RABGEF1: variants seen among roughly 807,000 people sequenced by gnomAD.
RABGEF1 encodes RAB guanine nucleotide exchange factor 1, also known as rab5 GDP/GTP exchange factor.
A neutral mutation model predicts 57.3 loss-of-function variants in RABGEF1; 26 were observed. That is an observed-to-expected ratio of 0.45 (90% CI 0.33 to 0.63). The LOEUF (loss-of-function observed/expected upper bound fraction) is 0.63, where lower values mean the gene tolerates loss of function less well. Ranked by LOEUF, RABGEF1 falls within the 20% of genes least tolerant of loss-of-function variation. RABGEF1 has a pLI of 0.02. For synonymous variants in RABGEF1, 185 were observed against 210.7 expected (o/e 0.88, Z 1.06); for missense variants, 464 against 607.6 (o/e 0.76, Z 2.48).
chr7:66,688,085 CAAAA>C (rs60925853), intron 1 of RABGEF1, among the ~76,000 whole-genome samples: 4,551 of 109,102 alleles, frequency 0.042, 121 homozygotes, highest in East Asian at 0.091. Flanking sequence ...AACTCTGTGT[CAAAA>C]AAAAAAAAAA....
chr7:66,663,301 G>A, the RABGEF1 span, among the ~76,000 whole-genome samples: 1 of 152,210 alleles, frequency 6.6e-6, no homozygotes, highest in South Asian at 2.1e-4. Flanking sequence ...AAGGCTGTGA[G>A]ATCCCTGATT....
Position 66,772,004 on chromosome 7 carries a change from C to T in RABGEF1, c.105C>T (p.Cys35=), listed in dbSNP as rs1196573247. 1 of 1,599,090 alleles carries T rather than the reference C, an allele frequency of 6.3e-7. No homozygotes were observed. Among genetic ancestry groups the T allele is most frequent in the Non-Finnish European group, 8.5e-7 (1 of 1,173,146 alleles). ...YYGNPAWQGF[C]SKCWREEYHK... ...GCAACCCTGCCTGGCAGGGTTTCTG[C>T]TCCAAGTGCTGGAGGGAAGAGTACC... Residue 35 remains cysteine, a synonymous_variant, in exon 2 of 9, where the codon TGC becomes TGT. Coordinates refer to ENST00000284957, the MANE Select transcript of RABGEF1 (RefSeq NM_014504.3).
chr7:66,678,541 G>C (rs1789456739), upstream of RABGEF1, among the ~76,000 whole-genome samples: 1 of 146,680 alleles, frequency 6.8e-6, no homozygotes, highest in Admixed American at 6.8e-5. Context: ...CTCTAGCCTG[G>C]GTGACAGAGT....
At chr7:66,687,158 C>G (rs1363589232) in intron 1 of RABGEF1, among the ~76,000 whole-genome samples, 8 of 126,458 alleles carry the variant, frequency 6.3e-5, no homozygotes, top group African/African-American at 2.4e-4. Context: ...CGGAGTCTTG[C>G]TCTGTTGCTC....
rs1789159317 is a variant in RABGEF1, at chr7:66,809,323, G to T, written c.*39G>T. On this transcript the variant is annotated 3_prime_UTR_variant, in exon 9 of 9. Transcript: ENST00000284957. ...GAGAGTATTTATTTGAGCCTAAATTGTAGGTAGCCCTTACTACACTCAACT... is the reference window on the plus strand; with the variant it reads ...GAGAGTATTTATTTGAGCCTAAATTTTAGGTAGCCCTTACTACACTCAACT... 1 of 1,560,722 alleles carries T rather than the reference G, an allele frequency of 6.4e-7. No individual in the cohort carries two copies. The highest frequency in any genetic ancestry group is 1.4e-5 in the African/African-American group (1 of 73,272).
At chr7:66,779,851 A>G (rs1464628267) in intron 3 of RABGEF1, among the ~76,000 whole-genome samples, 3 of 152,126 alleles carry the variant, frequency 2.0e-5, no homozygotes, top group Non-Finnish European at 2.9e-5. Context: ...CTGTTCAAAC[A>G]TAAGTCGCCT....
the RABGEF1 span, among the ~76,000 whole-genome samples, chr7:66,664,878 T>C: frequency 5.3e-5 from 8 of 152,188 alleles, no homozygotes; most frequent in African/African-American, 1.7e-4. Context: ...CACGAGCATG[T>C]GTTTAGTGTC....
intron 3 of RABGEF1, among the ~76,000 whole-genome samples, chr7:66,780,239 C>T (rs1299822424): frequency 6.6e-6 from 1 of 151,694 alleles, no homozygotes; most frequent in Non-Finnish European, 1.5e-5. Flanking sequence ...GTTGTACTAC[C>T]TCATAGTCAG....
chr7:66,681,613 A>T (rs1789744951), upstream of RABGEF1, among the ~76,000 whole-genome samples: 1 of 152,066 alleles, frequency 6.6e-6, no homozygotes, highest in Admixed American at 6.6e-5. Context: ...TCTGTGGCCC[A>T]GGGTGGTCTC....
intron 1 of RABGEF1, chr7:66,769,123 C>G (rs1489880666): frequency 6.6e-6 from 1 of 152,318 alleles, no homozygotes; most frequent in East Asian, 1.9e-4. Flanking sequence ...GCTGTGGGGC[C>G]CATTTCCAGG....
chr7:66,709,756 C>T (rs1223260640), intron 1 of RABGEF1, among the ~76,000 whole-genome samples: 1 of 152,052 alleles, frequency 6.6e-6, no homozygotes, highest in Admixed American at 6.6e-5. Context: ...GCCTGGGTGA[C>T]AAGAGCAAAA....
Position 66,796,992 on chromosome 7 carries a change from A to G in RABGEF1, c.596-382A>G, listed in dbSNP as rs187820078. The G allele has an allele frequency of 2.0e-3, 819 of 405,300 alleles. 16 individuals carry two copies. The highest frequency in any genetic ancestry group is 0.013 in the South Asian group (729 of 54,026). The allele number at this position is 405,300 out of a possible 1,614,324, so 25.1% of individuals were successfully genotyped here. ...CTAGTAAATTAGTTTTTTGCTGTGTAGACAGTGCTATGAAAATATACTCTT... is the reference window on the plus strand; with the variant it reads ...CTAGTAAATTAGTTTTTTGCTGTGTGGACAGTGCTATGAAAATATACTCTT... On this transcript the variant is annotated intron_variant, in intron 5 of 8. Coordinates refer to ENST00000284957, the MANE Select transcript of RABGEF1 (RefSeq NM_014504.3).
In RABGEF1 at chr7:66,698,497, T is replaced by C. The variant is rs111537444; in HGVS notation, c.-872-13670T>C. On this transcript the variant is annotated intron_variant and NMD_transcript_variant, in intron 1 of 9. Transcript: ENST00000607882. ...TTCTAGGTCAGGCGCAAACAGTTCC[T>C]TGGTTTGGAGCAGGAGCCCGGGTCT... Among the ~76,000 whole-genome samples, 430 of 152,262 alleles carry C rather than the reference T, an allele frequency of 2.8e-3. 1 individual carries two copies. Among genetic ancestry groups the C allele is most frequent in the African/African-American group, 1.0e-2 (414 of 41,546 alleles).
chr7:66,796,224 T>C lies in RABGEF1; in HGVS notation c.595+632T>C, dbSNP rs559465169. On this transcript the variant is annotated intron_variant, in intron 5 of 8. Coordinates refer to ENST00000284957, the MANE Select transcript of RABGEF1 (RefSeq NM_014504.3). The stretch of plus-strand genomic sequence containing the variant: ...TTGGAATCACCATTTTGGTGAGTTA[T>C]TGTATTAATAGTTTAAAAAAAAAAG... Among the ~76,000 whole-genome samples, 184 of 150,402 alleles carry C rather than the reference T, an allele frequency of 1.2e-3. 2 individuals are homozygous for C. The highest frequency in any genetic ancestry group is 4.1e-3 in the African/African-American group (170 of 41,310).
chr7:66,802,973 T>C (rs1787633223), intron 7 of RABGEF1, among the ~76,000 whole-genome samples: 1 of 151,938 alleles, frequency 6.6e-6, no homozygotes, highest in Non-Finnish European at 1.5e-5. Flanking sequence ...CAATAAAAGG[T>C]AGAAGGCTAA....
intron 1 of RABGEF1, among the ~76,000 whole-genome samples, chr7:66,754,098 G>T (rs1285633533): frequency 6.7e-6 from 1 of 149,720 alleles, no homozygotes; most frequent in Non-Finnish European, 1.5e-5. Context: ...TGCTTCCTGG[G>T]TTCAAGCGAT....
intron 4 of RABGEF1, among the ~76,000 whole-genome samples, chr7:66,795,140 G>C (rs753461069): frequency 2.8e-4 from 43 of 152,240 alleles, no homozygotes; most frequent in Middle Eastern, 3.4e-3. Flanking sequence ...CAGGATTCTA[G>C]CTGCTGGCAG....
At chr7:66,724,852 G>C (rs1796426132) in intron 2 of RABGEF1, among the ~76,000 whole-genome samples, 1 of 152,036 alleles carries the variant, frequency 6.6e-6, no homozygotes, top group Non-Finnish European at 1.5e-5. Flanking sequence ...TTTTTGGCTT[G>C]CTTTTTTCCC....
chr7:66,795,722 C>A, intron 5 of RABGEF1, 130 bp downstream of exon 5: 1 of 823,434 alleles, frequency 1.2e-6, no homozygotes, highest in Non-Finnish European at 2.1e-6. Context: ...CATGGACATT[C>A]TGGGAACTGG....
Sources: allele counts gnomAD v4.1 joint callset (sites outside exome capture counted in the v4.1 genomes callset), GRCh38; gene constraint gnomAD v4.1.1; transcripts MANE v1.5; gene names NCBI Gene and HGNC (gene_info 2026-07-23, HGNC 2026-07-21).